PIBF1: variants seen among roughly 807,000 people sequenced by gnomAD.
PIBF1 encodes the protein progesterone immunomodulatory binding factor 1, also known as progesterone-induced-blocking factor 1.
A neutral mutation model predicts 112.5 loss-of-function variants in PIBF1; 90 were observed. That is an observed-to-expected ratio of 0.80 (90% confidence interval 0.67 to 0.95). The LOEUF is 0.95. Among genes scored for constraint, PIBF1 ranks in the 40% least tolerant of loss-of-function variants. The pLI is 0.00. For missense variants in PIBF1, 915 were observed against 852.3 expected, an observed-to-expected ratio of 1.07 and a Z score of -0.92; for synonymous variants, 301 against 288.6, an observed-to-expected ratio of 1.04 and a Z score of -0.44.
Position 72,916,945 on chromosome 13 carries a change from G to T in PIBF1, c.1640-131G>T. The T allele has an allele frequency of 4.1e-6, 2 of 485,460 alleles. 1 individual carries two copies. Among genetic ancestry groups the T allele is most frequent in the South Asian group, 8.7e-5 (2 of 22,898 alleles). 30.1% of individuals were successfully genotyped at this position (485,460 alleles called of 1,614,324 possible). On this transcript the variant is annotated intron_variant, in intron 12 of 17. Transcript: ENST00000326291. ...TTCTACTTACAAATGGGCTGTTTAA[G>T]ATTACATATTAGCCCTTTCTAATGT...
At chr13:72,928,037 A>G (rs1191508466) in intron 13 of PIBF1, among the ~76,000 whole-genome samples, 4 of 140,326 alleles carry the variant, frequency 2.9e-5, no homozygotes, top group African/African-American at 5.5e-5. Flanking sequence ...ATATATATAT[A>G]TATATATACA....
In PIBF1 at chr13:72,962,998, C is replaced by T. The variant is rs147266417; in HGVS notation, c.1834-2276C>T. 2.2e-3 allele frequency among the ~76,000 whole-genome samples: 336 copies of T among 152,238 alleles called. 2 individuals carry two copies. Among genetic ancestry groups the T allele is most frequent in the African/African-American group, 7.7e-3 (318 of 41,550 alleles). ...GTAAACACTTGCCTATATGGCCAGT[C>T]GTTTTCAACAAGAGTGCTAGGACCA... is the stretch of plus-strand genomic sequence containing the variant. On this transcript the variant is annotated intron_variant, in intron 14 of 17. Coordinates refer to ENST00000326291, the MANE Select transcript of PIBF1 (RefSeq NM_006346.4).
In PIBF1 at chr13:72,973,598, A is replaced by G. The variant is rs1221415492; in HGVS notation, c.1972A>G (p.Asn658Asp). ...TGGGGTTTTTTTTTTCAGCAACTTA[A>G]ATAAAGAAAAGTCAGCTTTACTACA... ...AQLEKDVSNL[N>D]KEKSALLQTK... Residue 658 changes from asparagine to aspartate, a missense_variant, in exon 16 of 18, where the codon AAT becomes GAT. Transcript: ENST00000326291. 2 of 1,546,834 alleles carry G rather than the reference A, an allele frequency of 1.3e-6. No individual in the cohort carries two copies. Among genetic ancestry groups the G allele is most frequent in the African/African-American group, 2.8e-5 (2 of 71,434 alleles).
intron 9 of PIBF1, among the ~76,000 whole-genome samples, chr13:72,850,528 G>A (rs892947681): frequency 6.6e-6 from 1 of 152,030 alleles, no homozygotes; most frequent in Non-Finnish European, 1.5e-5. Flanking sequence ...CATGTCCATT[G>A]TTGCAAGAAA....
chr13:72,870,331 T>G (rs1291072312), intron 10 of PIBF1, among the ~76,000 whole-genome samples: 1 of 152,224 alleles, frequency 6.6e-6, no homozygotes, highest in Non-Finnish European at 1.5e-5. Context: ...GAGCCAACAT[T>G]ATGAACTCAG....
intron 5 of PIBF1, among the ~76,000 whole-genome samples, chr13:72,817,539 A>G (rs189268339): frequency 6.6e-6 from 1 of 152,300 alleles, no homozygotes; most frequent in African/African-American, 2.4e-5. Flanking sequence ...TAATAGGCAG[A>G]GTATTAGTTA....
At chr13:72,832,723 T>C (rs2037180590) in intron 8 of PIBF1, among the ~76,000 whole-genome samples, 1 of 152,166 alleles carries the variant, frequency 6.6e-6, no homozygotes, top group Admixed American at 6.6e-5. Context: ...ATTTCAACCT[T>C]GGCGAATCTG....
intron 10 of PIBF1, among the ~76,000 whole-genome samples, chr13:72,877,276 GA>G (rs2039449027): frequency 6.6e-6 from 1 of 152,094 alleles, no homozygotes; most frequent in Non-Finnish European, 1.5e-5. Context: ...GAATGGTTTC[GA>G]TTTGTTAATA....
intron 16 of PIBF1, among the ~76,000 whole-genome samples, chr13:72,984,736 T>C (rs1047305393): frequency 7.2e-5 from 11 of 152,166 alleles, no homozygotes; most frequent in Admixed American, 2.0e-4. Flanking sequence ...TTGTTTTGGT[T>C]TTTGTAAGTA....
intron 2 of PIBF1, among the ~76,000 whole-genome samples, chr13:72,785,688 C>T (rs1235098535): frequency 6.6e-6 from 1 of 152,164 alleles, no homozygotes; most frequent in Admixed American, 6.5e-5. Context: ...TTCACATGAA[C>T]TCCATCTACC....
chr13:72,978,710 T>G (rs1396301299), intron 16 of PIBF1, among the ~76,000 whole-genome samples: 14 of 152,208 alleles, frequency 9.2e-5, no homozygotes, highest in Admixed American at 9.2e-4. Flanking sequence ...TGGGTTGTAA[T>G]CTATCTTACT....
rs1233346804 is a variant in PIBF1, at chr13:72,965,342, T to C, written c.1902T>C (p.Arg634=). ...QPYRYLIESV[R]QRDSKIDSLT... is the part of the protein sequence containing the mutation. ...ACAGGTATCTCATTGAATCAGTGCG[T>C]CAGAGAGATTCTAAGATTGATTCAC... Residue 634 remains arginine (R), a synonymous_variant, in exon 15 of 18, where the codon CGT becomes CGC. Transcript: ENST00000326291. 1.9e-6 allele frequency: 3 copies of C among 1,610,390 alleles called. 1 individual carries two copies. In the South Asian group the frequency reaches 3.3e-5, roughly 18 times the overall value.
intron 10 of PIBF1, among the ~76,000 whole-genome samples, chr13:72,855,892 A>G (rs2038402037): frequency 6.6e-6 from 1 of 152,144 alleles, no homozygotes; most frequent in African/African-American, 2.4e-5. Flanking sequence ...CTAGAATAAG[A>G]TTTATGGGCA....
intron 13 of PIBF1, among the ~76,000 whole-genome samples, chr13:72,919,275 A>G: frequency 6.6e-6 from 1 of 152,242 alleles, no homozygotes; most frequent in East Asian, 1.9e-4. Context: ...ATAGAAAGCA[A>G]GAAAAGGATA....
intron 6 of PIBF1, among the ~76,000 whole-genome samples, chr13:72,823,548 G>A (rs1398604157): frequency 2.0e-5 from 3 of 151,928 alleles, no homozygotes; most frequent in Non-Finnish European, 2.9e-5. Flanking sequence ...AAGATAAACT[G>A]GGGAAGAAAA....
At chr13:72,784,631 C>T (rs575474887) in intron 2 of PIBF1, among the ~76,000 whole-genome samples, 2 of 151,154 alleles carry the variant, frequency 1.3e-5, no homozygotes, top group East Asian at 2.0e-4. Context: ...AGTGGTGCTG[C>T]GCCTGCAGGC....
intron 16 of PIBF1, among the ~76,000 whole-genome samples, chr13:72,995,526 TG>T (rs563922782): frequency 6.6e-6 from 1 of 151,470 alleles, no homozygotes; most frequent in Non-Finnish European, 1.5e-5. Flanking sequence ...ATGGCATCAG[TG>T]GGGGAAAAAA....
chr13:72,930,538 A>G (rs574891223), intron 13 of PIBF1, among the ~76,000 whole-genome samples: 1 of 152,322 alleles, frequency 6.6e-6, no homozygotes, highest in East Asian at 1.9e-4. Context: ...GAGATGTTTC[A>G]TATGTAATTT....
chr13:72,828,957 T>G (rs567078820), intron 8 of PIBF1, among the ~76,000 whole-genome samples: 1 of 152,354 alleles, frequency 6.6e-6, no homozygotes, highest in African/African-American at 2.4e-5. Flanking sequence ...TTTCCTGACT[T>G]TTTAATGATT....
Sources: allele counts gnomAD v4.1 joint callset (sites outside exome capture counted in the v4.1 genomes callset), GRCh38; gene constraint gnomAD v4.1.1; transcripts MANE v1.5; gene names NCBI Gene and HGNC (gene_info 2026-07-23, HGNC 2026-07-21).